Variants in NAV2 observed in about 807,000 individuals in gnomAD.
NAV2 encodes the protein helicase, APC down-regulated 1.
A neutral mutation model predicts 223.2 loss-of-function variants in NAV2; 54 were observed. That is an observed-to-expected ratio of 0.24 (90% confidence interval 0.19 to 0.30). The LOEUF is 0.30. Among genes scored for constraint, NAV2 ranks in the 10% least tolerant of loss-of-function variants. NAV2 has a pLI of 1.00. For missense variants in NAV2, 2,806 were observed against 3,147.5 expected, an observed-to-expected ratio of 0.89 and a Z score of 2.60; for synonymous variants, 1,279 against 1,239.3, an observed-to-expected ratio of 1.03 and a Z score of -0.67.
At chr11:19,613,855 A>G (rs1054444655) in intron 1 of NAV2, among the ~76,000 whole-genome samples, 2 of 152,234 alleles carry the variant, frequency 1.3e-5, no homozygotes, top group African/African-American at 4.8e-5. Flanking sequence ...GCTTACTACA[A>G]TGCCTAACCA....
chr11:20,101,621 A>G (rs945365520), intron 32 of NAV2, among the ~76,000 whole-genome samples: 6 of 152,138 alleles, frequency 3.9e-5, no homozygotes, highest in African/African-American at 4.8e-5. Context: ...CACCATCCCC[A>G]TTTTACAGAG....
At chr11:19,423,710 C>A (rs1850710127) in intron 1 of NAV2, among the ~76,000 whole-genome samples, 2 of 152,212 alleles carry the variant, frequency 1.3e-5, no homozygotes, top group South Asian at 4.1e-4. Context: ...ATCTTTTACT[C>A]TACACAGCTA....
chr11:19,871,427 C>A (rs1041694731), intron 4 of NAV2, among the ~76,000 whole-genome samples: 2 of 152,092 alleles, frequency 1.3e-5, no homozygotes, highest in Non-Finnish European at 2.9e-5. Flanking sequence ...GCCAGAGCCC[C>A]CAGGATTGAG....
chr11:19,706,756 T>C (rs1344191360), intron 1 of NAV2, among the ~76,000 whole-genome samples: 2 of 152,258 alleles, frequency 1.3e-5, no homozygotes, highest in East Asian at 3.8e-4. Flanking sequence ...GATTAATCAA[T>C]GGTTTGCTAC....
At chr11:19,909,096 C>T (rs2043109551) in intron 6 of NAV2, among the ~76,000 whole-genome samples, 1 of 152,144 alleles carries the variant, frequency 6.6e-6, no homozygotes, top group South Asian at 2.1e-4. Context: ...AACTCTAGCT[C>T]TTCTACCCCA....
At chr11:19,986,778 A>G (rs1369743467) in intron 11 of NAV2, among the ~76,000 whole-genome samples, 1 of 152,368 alleles carries the variant, frequency 6.6e-6, no homozygotes, top group Non-Finnish European at 1.5e-5. Flanking sequence ...ATTTTCCATT[A>G]TTCTAGAATA....
At chr11:20,085,984 T>A (rs1345223462) in intron 26 of NAV2, among the ~76,000 whole-genome samples, 1 of 152,138 alleles carries the variant, frequency 6.6e-6, no homozygotes, top group African/African-American at 2.4e-5. Flanking sequence ...AGGGCAGTCT[T>A]CCTGACCCAA....
intron 1 of NAV2, among the ~76,000 whole-genome samples, chr11:19,558,204 T>C (rs1453474914): frequency 6.6e-6 from 1 of 152,202 alleles, no homozygotes; most frequent in Non-Finnish European, 1.5e-5. Context: ...TATCTATTGC[T>C]GCGAAACAAA....
chr11:19,548,452 T>C (rs2134617645), intron 1 of NAV2, among the ~76,000 whole-genome samples: 1 of 152,272 alleles, frequency 6.6e-6, no homozygotes, highest in South Asian at 2.1e-4. Flanking sequence ...TGTCAAGTCA[T>C]TTGCCCAAGG....
At chr11:20,004,531 G>A (rs1164416842) in intron 11 of NAV2, among the ~76,000 whole-genome samples, 1 of 152,224 alleles carries the variant, frequency 6.6e-6, no homozygotes, top group African/African-American at 2.4e-5. Context: ...AGTGACTGCA[G>A]TGGGCTCTGA....
intron 1 of NAV2, among the ~76,000 whole-genome samples, chr11:19,765,147 C>T (rs886472967): frequency 6.6e-6 from 1 of 152,128 alleles, no homozygotes. Flanking sequence ...TGCTTAGGAC[C>T]CTCCAGTGAC....
chr11:19,888,130 C>T (rs766761173), intron 5 of NAV2, among the ~76,000 whole-genome samples: 7 of 152,106 alleles, frequency 4.6e-5, no homozygotes, highest in Non-Finnish European at 8.8e-5. Flanking sequence ...ACACCACTTC[C>T]CTTAAGCTTA....
intron 1 of NAV2, among the ~76,000 whole-genome samples, chr11:19,666,057 G>A (rs914947192): frequency 6.6e-6 from 1 of 152,138 alleles, no homozygotes; most frequent in African/African-American, 2.4e-5. Context: ...CTGCAAGTAA[G>A]ATATTATAAA....
intron 1 of NAV2, among the ~76,000 whole-genome samples, chr11:19,530,220 G>T (rs1358918137): frequency 6.6e-6 from 1 of 152,176 alleles, no homozygotes; most frequent in Admixed American, 6.5e-5. Flanking sequence ...GGGTGTGATT[G>T]TTTCTTAGGA....
intron 1 of NAV2, among the ~76,000 whole-genome samples, chr11:19,437,623 T>A (rs1290988364): frequency 6.6e-6 from 1 of 152,140 alleles, no homozygotes. Flanking sequence ...AATATCCAAA[T>A]GTCTATTTGT....
At chr11:19,390,339 C>T (rs1435859280) in intron 1 of NAV2, among the ~76,000 whole-genome samples, 2 of 152,132 alleles carry the variant, frequency 1.3e-5, no homozygotes, top group Non-Finnish European at 2.9e-5. Flanking sequence ...ATCCTTGCCT[C>T]AGCTTTTGAA....
chr11:19,932,988 A>G (rs929481294), intron 6 of NAV2, among the ~76,000 whole-genome samples, 188 bp from the exon 7 acceptor site: 8 of 152,204 alleles, frequency 5.3e-5, no homozygotes, highest in Admixed American at 4.6e-4. Flanking sequence ...TGAACTGTGC[A>G]GTATGGAAAG....
At chr11:19,947,939 G>T (rs552035700) in intron 9 of NAV2, among the ~76,000 whole-genome samples, 1 of 152,270 alleles carries the variant, frequency 6.6e-6, no homozygotes, top group East Asian at 1.9e-4. Context: ...AGGAACTCCC[G>T]GTGGGTGGAG....
intron 1 of NAV2, among the ~76,000 whole-genome samples, chr11:19,533,652 C>A (rs992707156): frequency 2.6e-5 from 4 of 152,128 alleles, no homozygotes; most frequent in Non-Finnish European, 4.4e-5. Flanking sequence ...TCTCTACCCC[C>A]ACCCCCTCTG....
Sources: gnomAD v4.1 joint callset for allele counts (sites outside exome capture counted in the v4.1 genomes callset) on GRCh38, gnomAD v4.1.1 for gene constraint, MANE v1.5 for transcripts, NCBI Gene and HGNC (gene_info 2026-07-23, HGNC 2026-07-21) for gene names.